Variants in MS4A4E observed in about 807,000 individuals in gnomAD.
MS4A4E encodes membrane spanning 4-domains A4E, also known as putative membrane-spanning 4-domains subfamily A member 4E.
MS4A4E carries 23 observed loss-of-function variants against 13.3 expected under a neutral mutation model. That is an observed-to-expected ratio of 1.73 (90% CI 1.25 to 2.45). The LOEUF is 2.45. MS4A4E is among the 30% of genes most tolerant of loss of function. The pLI is 0.00. For synonymous variants in MS4A4E, 36 were observed against 45.6 expected, an observed-to-expected ratio of 0.79 and a Z score of 0.85; for missense variants, 144 against 131.2, an observed-to-expected ratio of 1.10 and a Z score of -0.48.
chr11:60,208,542 A>G, intron 6 of MS4A4E, 51 bp downstream of exon 6: 1 of 664,034 alleles, frequency 1.5e-6, no homozygotes, highest in African/African-American at 1.8e-5. Context: ...AACTGATTAT[A>G]CAGCAATACA....
intron 6 of MS4A4E, among the ~76,000 whole-genome samples, chr11:60,206,368 T>C (rs1451626389): frequency 6.7e-6 from 1 of 150,354 alleles, no homozygotes; most frequent in East Asian, 1.9e-4. Flanking sequence ...AAATGCATTA[T>C]TTATTAATTT....
At chr11:60,228,335 A>G (rs1276186768) in intron 3 of MS4A4E, among the ~76,000 whole-genome samples, 1 of 152,224 alleles carries the variant, frequency 6.6e-6, no homozygotes, top group Non-Finnish European at 1.5e-5. Context: ...AAATAAACAT[A>G]TAAAAAGATG....
chr11:60,214,602 A>G lies in MS4A4E; in HGVS notation c.191T>C (p.Val64Ala). 1 of 1,531,840 alleles carries G rather than the reference A, an allele frequency of 6.5e-7. No homozygotes were observed. Among genetic ancestry groups the G allele is most frequent in the African/African-American group, 1.4e-5 (1 of 72,906 alleles). 94.9% of individuals were successfully genotyped at this position (1,531,840 alleles called of 1,614,324 possible). A position where few individuals can be genotyped will look rare whatever the true frequency, so the allele number is the denominator to read the frequency against. ...TTTTGTTGTTCTAATTCCTGCTGCA[A>G]CTGATAAGGATACTGAAATAATAAA... ...KFSTHSVSLS[V>A]AAGIRTTKGL... Residue 64 changes from valine to alanine, a missense_variant, in exon 4 of 9, where the codon GTT becomes GCT. By Grantham distance (64) the Val-to-Ala change is moderately conservative. Around this residue, in one of 3 missense-constraint regions of MS4A4E, gnomAD observed 119 missense variants for 88.7 expected, o/e 1.34. Coordinates refer to ENST00000651255, the MANE Select transcript of MS4A4E (RefSeq NM_001393391.1).
chr11:60,214,660 GT>G, intron 3 of MS4A4E, 46 bp from the exon 4 acceptor site: 1 of 1,314,590 alleles, frequency 7.6e-7, no homozygotes, highest in Non-Finnish European at 1.0e-6. Flanking sequence ...GAGATAAAAA[GT>G]TTTAAACAAG....
chr11:60,228,594 C>A lies in MS4A4E; in HGVS notation c.178G>T (p.Val60Leu). Residue 60 changes from valine to leucine, a missense_variant and splice_region_variant, in exon 3 of 9, where the codon GTA becomes TTA. This residue lies in a region of MS4A4E where 119 missense variants were observed against 88.7 expected (regional missense o/e 1.34). Transcript: ENST00000651255. ...LCGHKFSTHS[V>L]SLSVAAGIRT... ...AATACAATATAGTAATCATACTTAC[C>A]CGAATGAGTTGAAAACTTATGTCCA... 1.4e-6 allele frequency: 1 copy of A among 697,570 alleles called. No homozygotes were observed. Among genetic ancestry groups the A allele is most frequent in the Non-Finnish European group, 2.6e-6 (1 of 382,612 alleles). 43.2% of individuals were successfully genotyped at this position (697,570 alleles called of 1,614,324 possible).
intron 3 of MS4A4E, among the ~76,000 whole-genome samples, chr11:60,226,913 T>A (rs1184088839): frequency 6.6e-6 from 1 of 152,194 alleles, no homozygotes; most frequent in Non-Finnish European, 1.5e-5. Flanking sequence ...ACTCCTGGAA[T>A]TAACAAATGA....
intron 3 of MS4A4E, among the ~76,000 whole-genome samples, chr11:60,217,898 A>C (rs1490176620): frequency 6.6e-6 from 1 of 152,218 alleles, no homozygotes. Flanking sequence ...ACCTTGAAAA[A>C]AGAACAGGAT....
intron 3 of MS4A4E, among the ~76,000 whole-genome samples, chr11:60,225,307 C>T (rs1341882318): frequency 1.3e-5 from 2 of 152,106 alleles, no homozygotes; most frequent in African/African-American, 2.4e-5. Context: ...AATCATTTCA[C>T]GGTTAAAAGG....
At chr11:60,205,149 G>A (rs780481070) in intron 7 of MS4A4E, among the ~76,000 whole-genome samples, 191 bp from the exon 8 acceptor site, 24 of 152,058 alleles carry the variant, frequency 1.6e-4, no homozygotes, top group Non-Finnish European at 2.8e-4. Context: ...TGAAAATATC[G>A]CTTCCTCAAA....
chr11:60,224,952 A>T (rs1036377964), intron 3 of MS4A4E: 22 of 1,500,400 alleles, frequency 1.5e-5, no homozygotes, highest in Non-Finnish European at 2.0e-5. Context: ...ATATCAAAAA[A>T]TACCCTGCTT....
chr11:60,240,636 C>G (rs2084536855), intron 1 of MS4A4E, among the ~76,000 whole-genome samples: 1 of 152,136 alleles, frequency 6.6e-6, no homozygotes, highest in Non-Finnish European at 1.5e-5. Context: ...TTTAAAGCCC[C>G]AAGTATATTG....
rs114063982 is a variant in MS4A4E at position 60,231,635 on chromosome 11, G to A, written c.-16-1564C>T. ...TTCAGATTATACTTATCAAAGATAA[G>A]AGTCTCCTTGAGGTGTACAGCATAA... is the stretch of plus-strand genomic sequence containing the variant. On this transcript the variant is annotated intron_variant, in intron 1 of 8. Transcript: ENST00000651255. 2.4e-3 allele frequency among the ~76,000 whole-genome samples: 363 copies of A among 152,230 alleles called. 2 individuals are homozygous for A. Among genetic ancestry groups the A allele is most frequent in the African/African-American group, 8.6e-3 (356 of 41,550 alleles).
rs779100398 is a variant in MS4A4E at position 60,230,062 on chromosome 11, A to G, written c.-7T>C. 2 of 1,581,628 alleles carry G rather than the reference A, an allele frequency of 1.3e-6. No individual in the cohort carries two copies. Among genetic ancestry groups the G allele is most frequent in the Admixed American group, 3.9e-5 (2 of 51,764 alleles). ...TTCCTTGCATGGTTGTCATGGCAGC[A>G]GAAAAGGTGCTACAATAAGAAATGT... On this transcript the variant is annotated 5_prime_UTR_variant, in exon 2 of 9. Transcript: ENST00000651255.
intron 6 of MS4A4E, among the ~76,000 whole-genome samples, chr11:60,206,189 T>A (rs1244750209): frequency 6.6e-6 from 1 of 151,932 alleles, no homozygotes; most frequent in East Asian, 1.9e-4. Context: ...AAAAGTCAAG[T>A]AAGTGAGAGG....
chr11:60,225,586 T>C (rs2084330859), intron 3 of MS4A4E, among the ~76,000 whole-genome samples: 1 of 152,204 alleles, frequency 6.6e-6, no homozygotes, highest in Admixed American at 6.5e-5. Context: ...GGAGTACAAT[T>C]ATCTCATGGC....
chr11:60,208,420 A>G (rs1208672891), intron 6 of MS4A4E, among the ~76,000 whole-genome samples, 173 bp downstream of exon 6: 1 of 152,180 alleles, frequency 6.6e-6, no homozygotes, highest in African/African-American at 2.4e-5. Context: ...CTCCCTGATG[A>G]CAGAGTCATA....
intron 1 of MS4A4E, among the ~76,000 whole-genome samples, chr11:60,236,831 G>T (rs1160209745): frequency 6.6e-6 from 1 of 151,728 alleles, no homozygotes; most frequent in African/African-American, 2.4e-5. Context: ...CCGCCTCCAG[G>T]GTTCAAGCAA....
intron 3 of MS4A4E, among the ~76,000 whole-genome samples, chr11:60,225,574 C>T (rs762483111): frequency 6.6e-6 from 1 of 152,062 alleles, no homozygotes; most frequent in Admixed American, 6.6e-5. Flanking sequence ...AAAATAGGAG[C>T]TGGAGTACAA....
chr11:60,234,932 GA>G (rs775679422), intron 1 of MS4A4E, among the ~76,000 whole-genome samples: 1 of 150,976 alleles, frequency 6.6e-6, no homozygotes, highest in African/African-American at 2.4e-5. Flanking sequence ...TTAGCTTTAA[GA>G]AAAAACACAG....
Sources: allele counts gnomAD v4.1 joint callset (sites outside exome capture counted in the v4.1 genomes callset), GRCh38; gene constraint gnomAD v4.1.1; regional missense constraint gnomAD v4.1.1; transcripts MANE v1.5; gene names NCBI Gene and HGNC (gene_info 2026-07-23, HGNC 2026-07-21).